LRFN5: variants seen among roughly 807,000 people sequenced by gnomAD.
LRFN5 encodes leucine rich repeat and fibronectin type III domain containing 5.
Under a neutral mutation model 45.6 loss-of-function variants are expected in LRFN5, and 24 were observed. That is an observed-to-expected ratio of 0.53 (90% CI 0.38 to 0.74). LRFN5 has a LOEUF of 0.74. LRFN5 is among the 30% of genes least tolerant of loss of function. LRFN5 has a pLI of 0.00. For synonymous variants in LRFN5, 340 were observed against 313.8 expected (o/e 1.08, Z -0.88); for missense variants, 776 against 861.5 (o/e 0.90, Z 1.24).
Position 41,887,586 on chromosome 14 carries a change from A to C in LRFN5, c.961A>C (p.Ile321Leu). ...RGDPEPAIHW[I>L]SPEGKLISNA... ...AGACCCTGAGCCTGCAATTCACTGG[A>C]TTTCTCCTGAAGGGAAGCTTATTTC... The change falls in exon 3 of 6, where the codon ATT (isoleucine) becomes CTT (leucine). Residue 321 changes from isoleucine (I) to leucine (L), a missense_variant. Around this residue, in one of 2 missense-constraint regions of LRFN5, gnomAD observed 311 missense variants for 405.1 expected, o/e 0.77. Transcript: ENST00000298119. This position sits in a 1 kb window ranked among gnomAD's most constrained non-coding sequence, Gnocchi z 4.8. The C allele has an allele frequency of 6.2e-7, 1 of 1,614,192 alleles. No individual in the cohort carries two copies. Among genetic ancestry groups the C allele is most frequent in the Non-Finnish European group, 8.5e-7 (1 of 1,180,034 alleles).
chr14:41,789,633 C>T (rs111616074), intron 2 of LRFN5, among the ~76,000 whole-genome samples: 275 of 152,034 alleles, frequency 1.8e-3, no homozygotes, highest in African/African-American at 6.3e-3. Flanking sequence ...CCAAGGGACT[C>T]TCAAAAAGTA....
chr14:41,641,197 G>A (rs1002961116), intron 1 of LRFN5, among the ~76,000 whole-genome samples: 3 of 152,004 alleles, frequency 2.0e-5, no homozygotes, highest in East Asian at 3.9e-4. Context: ...CTCTTTAGAG[G>A]GCGTTTGAAA....
intron 1 of LRFN5, among the ~76,000 whole-genome samples, chr14:41,671,478 A>C (rs1321380444): frequency 6.6e-6 from 1 of 152,154 alleles, no homozygotes; most frequent in East Asian, 1.9e-4. Context: ...TTTTCTTTGC[A>C]GTACCACTTT....
At position 41,826,479 on chromosome 14, in the gene LRFN5, G is replaced by A. The variant is rs142879839; in HGVS notation, c.-21+59450G>A. On this transcript the variant is annotated intron_variant, in intron 2 of 5. Coordinates refer to ENST00000298119, the MANE Select transcript of LRFN5 (RefSeq NM_152447.5). ...CTTATCAAATTTTAGATGTCATTTCGTCTGAAAAGTCATTTACCATAACTA... is the reference window on the plus strand; with the variant it reads ...CTTATCAAATTTTAGATGTCATTTCATCTGAAAAGTCATTTACCATAACTA... 4.5e-4 allele frequency among the ~76,000 whole-genome samples: 68 copies of A among 151,950 alleles called. 1 individual carries two copies. Among genetic ancestry groups the A allele is most frequent in the East Asian group, 1.2e-3 (6 of 5,160 alleles).
chr14:41,813,229 G>A lies in LRFN5; in HGVS notation c.-21+46200G>A, dbSNP rs142006018. ...CTTTTTATTACAGTTTAAGTTCTGG[G>A]ATGCATGTGCAGAGGGTACAGGCTT... On this transcript the variant is annotated intron_variant, in intron 2 of 5. Coordinates refer to ENST00000298119, the MANE Select transcript of LRFN5 (RefSeq NM_152447.5). 5.9e-5 allele frequency among the ~76,000 whole-genome samples: 9 copies of A among 152,120 alleles called. No individual in the cohort carries two copies. In the East Asian group the frequency reaches 1.7e-3, roughly 29 times the overall value.
intron 2 of LRFN5, among the ~76,000 whole-genome samples, chr14:41,811,931 T>A (rs2021119): frequency 6.6e-6 from 1 of 151,782 alleles, no homozygotes; most frequent in Admixed American, 6.6e-5. Context: ...TGGTTATTGA[T>A]TTATATTTCA....
intron 2 of LRFN5, among the ~76,000 whole-genome samples, chr14:41,816,431 G>T (rs892686987): frequency 3.3e-5 from 5 of 151,808 alleles, no homozygotes; most frequent in African/African-American, 9.7e-5. Context: ...TCTCTCTAAA[G>T]AATTTATTTT....
rs1207281360 is a variant in LRFN5 at position 41,704,440 on chromosome 14, C to CTGTGTGTGTGTG, written c.-196-62413_-196-62412insGTGTGTGTGTGT. Among the ~76,000 whole-genome samples, 479 of 125,302 alleles carry CTGTGTGTGTGTG rather than the reference C, an allele frequency of 3.8e-3. 2 individuals are homozygous for CTGTGTGTGTGTG. The highest frequency in any genetic ancestry group is 7.8e-3 in the Middle Eastern group (2 of 256). 82.2% of individuals were successfully genotyped at this position (125,302 alleles called of 152,430 possible). The stretch of plus-strand genomic sequence containing the variant: ...TCTCTCTCTCTCTCTCTCTCTCTCT[C>CTGTGTGTGTGTG]TCTCTCTCTGTGTGTGTGTGTCTGT... On this transcript the variant is annotated intron_variant, in intron 1 of 5. Transcript: ENST00000298119.
At chr14:41,874,293 CTAA>C (rs1442044218) in intron 2 of LRFN5, among the ~76,000 whole-genome samples, 1 of 152,054 alleles carries the variant, frequency 6.6e-6, no homozygotes, top group Non-Finnish European at 1.5e-5. Context: ...TCTTAGATAC[CTAA>C]TAATGTTTTC....
At chr14:41,650,271 A>AAG (rs1566603486) in intron 1 of LRFN5, among the ~76,000 whole-genome samples, 1 of 111,676 alleles carries the variant, frequency 9.0e-6, no homozygotes, top group Non-Finnish European at 1.9e-5. Context: ...ACACACAAAA[A>AAG]AAAAAAAGAT....
intron 1 of LRFN5, among the ~76,000 whole-genome samples, chr14:41,694,789 T>G (rs1882531576): frequency 6.6e-6 from 1 of 151,988 alleles, no homozygotes; most frequent in Non-Finnish European, 1.5e-5. Flanking sequence ...CAATGATATT[T>G]GGTGTTACTA....
intron 2 of LRFN5, among the ~76,000 whole-genome samples, chr14:41,819,510 G>C (rs1335243650): frequency 2.0e-5 from 3 of 152,088 alleles, no homozygotes; most frequent in Non-Finnish European, 4.4e-5. Context: ...AAATACCTGA[G>C]ACTGGATAAT....
chr14:41,775,192 G>T (rs1047888583), intron 2 of LRFN5, among the ~76,000 whole-genome samples: 1 of 145,624 alleles, frequency 6.9e-6, no homozygotes, highest in Non-Finnish European at 1.5e-5. Context: ...CCGGGTTCAC[G>T]CCATTCTCCT....
At chr14:41,886,478 T>C (rs1167423518) in intron 2 of LRFN5, 128 bp from the exon 3 acceptor site, 1 of 640,992 alleles carries the variant, frequency 1.6e-6, no homozygotes, top group Non-Finnish European at 2.5e-6. Flanking sequence ...TAAATATTAA[T>C]ACTTGTTAAG....
chr14:41,880,182 C>T (rs1336222009), intron 2 of LRFN5, among the ~76,000 whole-genome samples: 1 of 151,988 alleles, frequency 6.6e-6, no homozygotes, highest in African/African-American at 2.4e-5. Context: ...CCGCCTTGGC[C>T]TCCCAAAGTG....
At chr14:41,879,692 A>G (rs1212079882) in intron 2 of LRFN5, among the ~76,000 whole-genome samples, 1 of 151,490 alleles carries the variant, frequency 6.6e-6, no homozygotes, top group Non-Finnish European at 1.5e-5. Flanking sequence ...AGTTTCCTTA[A>G]CAAATGTGAT....
At chr14:41,836,142 G>A (rs1888656220) in intron 2 of LRFN5, among the ~76,000 whole-genome samples, 2 of 152,128 alleles carry the variant, frequency 1.3e-5, no homozygotes, top group Non-Finnish European at 2.9e-5. Context: ...AAGAGGAATA[G>A]TGTATGTTTC....
intron 2 of LRFN5, among the ~76,000 whole-genome samples, chr14:41,834,165 GA>G (rs1013753054): frequency 1.4e-4 from 21 of 150,986 alleles, no homozygotes; most frequent in African/African-American, 4.9e-4. Context: ...TTTTCCCTAG[GA>G]AAAAAAAATT....
intron 2 of LRFN5, among the ~76,000 whole-genome samples, chr14:41,843,086 C>CTTTTTTTTTTTTTTTTTTT: frequency 8.5e-6 from 1 of 118,308 alleles, no homozygotes; most frequent in Non-Finnish European, 1.8e-5. Context: ...TTTGTCTTTT[C>CTTTTTTTTTTTTTTTTTTT]TTTTTTTTTT....
Sources: allele counts gnomAD v4.1 joint callset (sites outside exome capture counted in the v4.1 genomes callset), GRCh38; gene constraint gnomAD v4.1.1; regional missense constraint gnomAD v4.1.1; non-coding constraint Gnocchi (gnomAD v3.1); transcripts MANE v1.5; gene names NCBI Gene and HGNC (gene_info 2026-07-23, HGNC 2026-07-21).